Variants in UNC80 observed in about 807,000 individuals in gnomAD.
The protein encoded by UNC80 is protein unc-80 homolog.
In UNC80, 164 loss-of-function variants were observed where a neutral mutation model predicts 384.6. The ratio of observed to expected loss-of-function variants is 0.43; its 90% CI spans 0.38 to 0.49. UNC80 has a LOEUF of 0.49. Among genes scored for constraint, UNC80 ranks in the 20% least tolerant of loss-of-function variants. The pLI, the probability that UNC80 is intolerant of heterozygous loss-of-function variation, is 0.00. For missense variants in UNC80, 3,330 were observed against 4,143.0 expected (o/e 0.80, Z 5.39); for synonymous variants, 1,486 against 1,527.8 (o/e 0.97, Z 0.64).
Position 209,995,871 on chromosome 2 carries a change from G to A in UNC80, c.*276G>A, listed in dbSNP as rs1273793471. 1 of 362,984 alleles carries A rather than the reference G, an allele frequency of 2.8e-6. No individual in the cohort carries two copies. The highest frequency in any genetic ancestry group is 5.1e-6 in the Non-Finnish European group (1 of 196,020). The allele number at this position is 362,984 out of a possible 1,614,324, so 22.5% of individuals were successfully genotyped here. On this transcript the variant is annotated 3_prime_UTR_variant, in exon 65 of 65. Transcript: ENST00000673920. ...TCACTGCACATTGTTTATGATTCAA[G>A]AAGCCTTCAGCAGTTAAAAATATAT...
At position 209,872,903 on chromosome 2, in the gene UNC80, T is replaced by G; in HGVS notation, c.3773T>G (p.Ile1258Ser). Residue 1258 changes from isoleucine (I) to serine (S), a missense_variant, in exon 23 of 65, where the codon ATT (isoleucine) becomes AGT (serine). Transcript: ENST00000673920. The surrounding 1 kb of genome is among the most constrained non-coding windows in gnomAD (Gnocchi z 4.1). The stretch of plus-strand genomic sequence containing the variant: ...GGACTTTCCCGGGGACGCTCTCCCA[T>G]TGTGGGCAACAAGCGAAACCAGAAG... The part of the protein sequence containing the change: ...KKGLSRGRSP[I>S]VGNKRNQKLQ... The G allele has an allele frequency of 1.0e-5, 16 of 1,551,536 alleles. No homozygotes were observed. The highest frequency in any genetic ancestry group is 1.3e-5 in the Non-Finnish European group (15 of 1,146,906).
chr2:209,940,923 T>G (rs1409990976), intron 43 of UNC80, among the ~76,000 whole-genome samples: 1 of 152,246 alleles, frequency 6.6e-6, no homozygotes, highest in Non-Finnish European at 1.5e-5. Flanking sequence ...TCCCTGCTAT[T>G]TTCTAGCTGA....
chr2:209,784,307 C>T (rs892998974), intron 4 of UNC80, among the ~76,000 whole-genome samples: 1 of 152,146 alleles, frequency 6.6e-6, no homozygotes, highest in Non-Finnish European at 1.5e-5. Flanking sequence ...CCTGAGTGAA[C>T]CTATTAAAAT....
chr2:209,798,024 A>G (rs1052527795), intron 7 of UNC80, among the ~76,000 whole-genome samples: 1 of 151,948 alleles, frequency 6.6e-6, no homozygotes, highest in African/African-American at 2.4e-5. Context: ...TTTTTCTTGT[A>G]AATATGTTTA....
chr2:209,896,286 AC>A (rs570386977), intron 27 of UNC80, 26 bp from the exon 28 acceptor site: 8 of 1,543,454 alleles, frequency 5.2e-6, no homozygotes, highest in Non-Finnish European at 7.0e-6. Context: ...GAACACTGAA[AC>A]CTTTCTTGGT....
chr2:209,951,168 C>CAAA (rs111246239), intron 47 of UNC80, among the ~76,000 whole-genome samples: 12,314 of 151,840 alleles, frequency 0.081, 1,178 homozygotes, highest in African/African-American at 0.22. Context: ...AGACCTGTCT[C>CAAA]AAATAAATTA....
chr2:209,992,348 G>A, intron 62 of UNC80, 101 bp downstream of exon 62: 5 of 1,153,542 alleles, frequency 4.3e-6, no homozygotes, highest in South Asian at 3.0e-5. Flanking sequence ...TGCTGGACGT[G>A]CCCGGAATCC....
intron 33 of UNC80, among the ~76,000 whole-genome samples, chr2:209,920,035 G>A (rs2089909858): frequency 6.6e-6 from 1 of 152,288 alleles, no homozygotes; most frequent in Admixed American, 6.5e-5. Context: ...TGGGCATGGT[G>A]GCAGGCACCT....
intron 8 of UNC80, among the ~76,000 whole-genome samples, chr2:209,814,679 G>A (rs4673490): frequency 0.97 from 147,291 of 152,266 alleles, 71,433 homozygotes; most frequent in East Asian, 1. Flanking sequence ...TTGCTTTTTG[G>A]TAAATGAATG....
In UNC80 at chr2:209,819,176, G is replaced by A; in HGVS notation, c.1877G>A (p.Cys626Tyr). The A allele has an allele frequency of 6.4e-7, 1 of 1,552,104 alleles. No individual in the cohort carries two copies. ...ANLPRSLTDS[C>Y]INYSYLEDTE... is the part of the protein sequence containing the mutation. ...CTACCTCGAAGCCTCACAGACTCCT[G>A]CATAAACTACAGCTACCTAGAGGAC... The change falls in exon 12 of 65, where the codon TGC becomes TAC. Residue 626 changes from cysteine (C) to tyrosine (Y), a missense_variant. Cys to Tyr is a radical substitution (Grantham distance 194, BLOSUM62 -2). Transcript: ENST00000673920.
chr2:209,993,526 C>A (rs2093429955), intron 63 of UNC80, 100 bp downstream of exon 63: 1 of 949,184 alleles, frequency 1.1e-6, no homozygotes, highest in Non-Finnish European at 1.6e-6. Context: ...GATAAGCACA[C>A]CTTTGGGGAG....
intron 51 of UNC80, among the ~76,000 whole-genome samples, chr2:209,962,739 G>C (rs1370656586): frequency 6.6e-6 from 1 of 152,186 alleles, no homozygotes; most frequent in Admixed American, 6.5e-5. Context: ...ACCAAATAGA[G>C]ACATTCTGTG....
intron 18 of UNC80, among the ~76,000 whole-genome samples, chr2:209,836,447 CTG>C (rs2081341222): frequency 6.6e-6 from 1 of 152,178 alleles, no homozygotes; most frequent in African/African-American, 2.4e-5. Context: ...AAGCCATTCA[CTG>C]TATATTTCTA....
chr2:209,851,513 ATAAT>A (rs1278006133), intron 22 of UNC80, among the ~76,000 whole-genome samples: 1 of 152,120 alleles, frequency 6.6e-6, no homozygotes, highest in Non-Finnish European at 1.5e-5. Context: ...TCACCATATA[ATAAT>A]TAATTAACTC....
chr2:209,781,467 A>T (rs552687498), intron 4 of UNC80, among the ~76,000 whole-genome samples: 25 of 152,090 alleles, frequency 1.6e-4, no homozygotes, highest in Non-Finnish European at 3.4e-4. Flanking sequence ...GAGTTGTTGA[A>T]TCTAATCTCT....
chr2:209,912,399 TA>T (rs1304770453), intron 29 of UNC80, among the ~76,000 whole-genome samples, 160 bp from the exon 30 acceptor site: 1 of 152,180 alleles, frequency 6.6e-6, no homozygotes, highest in African/African-American at 2.4e-5. Context: ...CTTTTATAAA[TA>T]AACTGCTTTT....
At chr2:209,929,790 A>G in intron 36 of UNC80, 81 bp from the exon 37 acceptor site, 1 of 1,098,652 alleles carries the variant, frequency 9.1e-7, no homozygotes, top group Non-Finnish European at 1.3e-6. Flanking sequence ...CAGAGACTAA[A>G]GCTTGTAAAT....
chr2:209,846,281 G>T (rs938810751), intron 21 of UNC80, among the ~76,000 whole-genome samples: 1 of 152,070 alleles, frequency 6.6e-6, no homozygotes, highest in Non-Finnish European at 1.5e-5. Context: ...TGGTGAACAT[G>T]AAATAGAATT....
intron 21 of UNC80, among the ~76,000 whole-genome samples, chr2:209,844,860 C>G (rs1233141068): frequency 2.0e-5 from 3 of 151,816 alleles, no homozygotes; most frequent in Non-Finnish European, 4.4e-5. Context: ...ACCTCAGTGT[C>G]CCAAAGTGCT....
Sources: allele counts gnomAD v4.1 joint callset (sites outside exome capture counted in the v4.1 genomes callset), GRCh38; gene constraint gnomAD v4.1.1; non-coding constraint Gnocchi (gnomAD v3.1); transcripts MANE v1.5; gene names NCBI Gene and HGNC (gene_info 2026-07-23, HGNC 2026-07-21).